Variants in CTTNBP2 observed in about 807,000 individuals in gnomAD.
CTTNBP2 encodes the protein cortactin-binding protein 2.
CTTNBP2 carries 108 observed loss-of-function variants against 156.9 expected under a neutral mutation model. That is an observed-to-expected ratio of 0.69 (90% CI 0.59 to 0.81). The LOEUF is 0.81. CTTNBP2 is among the 30% of genes least tolerant of loss of function. The probability of loss-of-function intolerance (pLI) is 0.00; values close to 1 mark genes in which losing one functional copy is unlikely to be tolerated. For missense variants in CTTNBP2, 1,924 were observed against 2,035.4 expected (o/e 0.95, Z 1.05); for synonymous variants, 767 against 751.8 (o/e 1.02, Z -0.33).
At chr7:117,721,190 AT>A in intron 19 of CTTNBP2, 60 bp from the exon 20 acceptor site, 1 of 1,006,148 alleles carries the variant, frequency 9.9e-7, no homozygotes, top group Non-Finnish European at 1.6e-6. Context: ...TGAATTCTGT[AT>A]TTAAAAGAAA....
rs573017462 is a variant in CTTNBP2 at position 117,780,881 on chromosome 7, C to T, written c.2373-290G>A. On this transcript the variant is annotated intron_variant, in intron 6 of 22. Transcript: ENST00000160373. ...TATAACCAACTTGTGAAAGTAGAGTCCTTAGAATTTAACTTACTGGGATGA... is the reference window on the plus strand; with the variant it reads ...TATAACCAACTTGTGAAAGTAGAGTTCTTAGAATTTAACTTACTGGGATGA... Among the ~76,000 whole-genome samples the T allele has an allele frequency of 7.9e-5, 12 of 152,170 alleles. No homozygotes were observed. In the South Asian group the frequency reaches 2.5e-3, roughly 32 times the overall value.
intron 11 of CTTNBP2, among the ~76,000 whole-genome samples, chr7:117,756,994 A>G (rs1157311286): frequency 3.3e-5 from 5 of 152,158 alleles, no homozygotes; most frequent in African/African-American, 4.8e-5. Context: ...TCATAAGTAA[A>G]AGTTATCATA....
intron 14 of CTTNBP2, among the ~76,000 whole-genome samples, chr7:117,737,736 A>T (rs1005679634): frequency 2.6e-5 from 4 of 151,974 alleles, no homozygotes; most frequent in African/African-American, 9.7e-5. Context: ...ACCATGCCAA[A>T]TACAAAATTT....
intron 4 of CTTNBP2, among the ~76,000 whole-genome samples, chr7:117,784,898 A>T (rs1798630270): frequency 6.6e-6 from 1 of 152,208 alleles, no homozygotes; most frequent in African/African-American, 2.4e-5. Context: ...AAGAGGAATA[A>T]TTGTAACAGA....
At chr7:117,712,851 G>A (rs1029286044) in intron 22 of CTTNBP2, among the ~76,000 whole-genome samples, 2 of 152,082 alleles carry the variant, frequency 1.3e-5, no homozygotes, top group African/African-American at 2.4e-5. Context: ...GCCAAAGAAC[G>A]CCTAGCTTAA....
chr7:117,730,582 A>C (rs1795346324), intron 16 of CTTNBP2, among the ~76,000 whole-genome samples: 1 of 152,238 alleles, frequency 6.6e-6, no homozygotes, highest in Non-Finnish European at 1.5e-5. Flanking sequence ...ATACAAGCTG[A>C]GAACTAGGTA....
At chr7:117,811,948 T>A (rs976448204) in intron 2 of CTTNBP2, among the ~76,000 whole-genome samples, 20 of 143,048 alleles carry the variant, frequency 1.4e-4, no homozygotes, top group Non-Finnish European at 6.1e-5. Context: ...AAAATTAAAA[T>A]TTTTAATGTA....
chr7:117,759,270 C>T (rs191215062), intron 10 of CTTNBP2, among the ~76,000 whole-genome samples: 4 of 152,072 alleles, frequency 2.6e-5, no homozygotes, highest in Admixed American at 2.6e-4. Context: ...ACCGCACCCA[C>T]CTAATTTTAA....
At chr7:117,790,786 C>T (rs1399723610) in intron 4 of CTTNBP2, among the ~76,000 whole-genome samples, 4 of 151,994 alleles carry the variant, frequency 2.6e-5, no homozygotes, top group Admixed American at 6.6e-5. Context: ...TGAGGTCTTG[C>T]GAGATAAATA....
At position 117,711,504 on chromosome 7, in the gene CTTNBP2, A is replaced by C; in HGVS notation, c.*33T>G. ...TGTCCTTGGTTTCTGTGTGAAATAG[A>C]GGAAGTTAATAATGAGAATATTGTA... is the stretch of plus-strand genomic sequence containing the variant. On this transcript the variant is annotated 3_prime_UTR_variant, in exon 23 of 23. Transcript: ENST00000160373. 1.3e-6 allele frequency: 2 copies of C among 1,584,568 alleles called. No individual in the cohort carries two copies. Among genetic ancestry groups the C allele is most frequent in the Non-Finnish European group, 1.7e-6 (2 of 1,167,740 alleles).
chr7:117,859,477 C>T (rs1803562397), intron 2 of CTTNBP2, among the ~76,000 whole-genome samples: 1 of 152,136 alleles, frequency 6.6e-6, no homozygotes, highest in Non-Finnish European at 1.5e-5. Context: ...ATGCCTTTCA[C>T]AAGTTAACAC....
intron 2 of CTTNBP2, among the ~76,000 whole-genome samples, chr7:117,819,535 G>A (rs1372619627): frequency 6.6e-6 from 1 of 151,980 alleles, no homozygotes; most frequent in Non-Finnish European, 1.5e-5. Context: ...TCACTGGCCA[G>A]GAATGAAAAA....
chr7:117,845,882 G>A (rs919526297), intron 2 of CTTNBP2, among the ~76,000 whole-genome samples: 15 of 151,242 alleles, frequency 9.9e-5, no homozygotes, highest in Admixed American at 3.3e-4. Context: ...ATGGAGTCTC[G>A]CTTTGTCGCC....
At chr7:117,814,247 C>T (rs1584476176) in intron 2 of CTTNBP2, among the ~76,000 whole-genome samples, 3 of 148,404 alleles carry the variant, frequency 2.0e-5, no homozygotes, top group East Asian at 3.9e-4. Context: ...GCATTTAATT[C>T]TTTTTTTTTT....
intron 2 of CTTNBP2, among the ~76,000 whole-genome samples, chr7:117,826,671 C>T (rs1403481527): frequency 1.3e-5 from 2 of 151,916 alleles, no homozygotes; most frequent in Non-Finnish European, 2.9e-5. Flanking sequence ...AACTTATCAA[C>T]ACTTGTGACA....
chr7:117,768,796 G>T (rs1383728371), intron 8 of CTTNBP2, among the ~76,000 whole-genome samples: 1 of 151,936 alleles, frequency 6.6e-6, no homozygotes, highest in African/African-American at 2.4e-5. Context: ...CTATATAAAT[G>T]GAATCATACT....
intron 22 of CTTNBP2, among the ~76,000 whole-genome samples, chr7:117,717,142 G>A (rs1794443934): frequency 6.6e-6 from 1 of 152,176 alleles, no homozygotes; most frequent in Non-Finnish European, 1.5e-5. Context: ...TGCTGTGCCA[G>A]CTCTTGCCAT....
At chr7:117,739,263 T>C (rs541025137) in intron 14 of CTTNBP2, among the ~76,000 whole-genome samples, 97 of 152,310 alleles carry the variant, frequency 6.4e-4, no homozygotes, top group South Asian at 3.3e-3. Flanking sequence ...CAGGAACTCA[T>C]TACAGTTTCA....
chr7:117,765,252 G>A (rs1007223712), intron 9 of CTTNBP2, among the ~76,000 whole-genome samples: 1 of 152,088 alleles, frequency 6.6e-6, no homozygotes, highest in Admixed American at 6.5e-5. Context: ...ACTTTCTATA[G>A]TTCATTTGCA....
Sources: gnomAD v4.1 joint callset for allele counts (sites outside exome capture counted in the v4.1 genomes callset) on GRCh38, gnomAD v4.1.1 for gene constraint, MANE v1.5 for transcripts, NCBI Gene and HGNC (gene_info 2026-07-23, HGNC 2026-07-21) for gene names.